Variants in SEMA3A observed in about 807,000 individuals in gnomAD.
SEMA3A encodes the protein semaphorin 3A.
A neutral mutation model predicts 97.9 loss-of-function variants in SEMA3A; 29 were observed. That is an observed-to-expected ratio of 0.30 (90% CI 0.22 to 0.40). The LOEUF (loss-of-function observed/expected upper bound fraction) is 0.40. Among genes scored for constraint, SEMA3A ranks in the 10% least tolerant of loss-of-function variants. The probability of loss-of-function intolerance (pLI) is 1.00; values close to 1 mark genes in which losing one functional copy is unlikely to be tolerated. For synonymous variants in SEMA3A, 321 were observed against 323.7 expected (o/e 0.99, Z 0.09); for missense variants, 763 against 951.3 (o/e 0.80, Z 2.60).
chr7:84,486,568 C>T (rs1222954776), intron 1 of SEMA3A, among the ~76,000 whole-genome samples: 1 of 152,074 alleles, frequency 6.6e-6, no homozygotes, highest in African/African-American at 2.4e-5. Context: ...CCTTATAGTA[C>T]TTTACAAATA....
At chr7:84,001,331 G>A (rs539542883) in intron 12 of SEMA3A, among the ~76,000 whole-genome samples, 6 of 138,584 alleles carry the variant, frequency 4.3e-5, no homozygotes, top group South Asian at 2.3e-4. Flanking sequence ...CCTCTCACCC[G>A]TACCCCCATT....
chr7:84,052,238 G>A (rs1204957087), intron 5 of SEMA3A, among the ~76,000 whole-genome samples: 5 of 151,928 alleles, frequency 3.3e-5, no homozygotes, highest in Admixed American at 3.3e-4. Context: ...AATGAGTTAG[G>A]GAGGATTCCC....
intron 1 of SEMA3A, among the ~76,000 whole-genome samples, chr7:84,396,377 G>A (rs932302366): frequency 1.1e-4 from 16 of 151,636 alleles, no homozygotes; most frequent in African/African-American, 2.9e-4. Flanking sequence ...AACTATAGTC[G>A]TATAGTAATG....
chr7:84,333,302 A>G (rs191076534), intron 2 of SEMA3A, among the ~76,000 whole-genome samples: 1 of 152,246 alleles, frequency 6.6e-6, no homozygotes, highest in Non-Finnish European at 1.5e-5. Context: ...ATGCAACACA[A>G]GGAAGAAAGT....
At chr7:84,020,267 A>G (rs941049770) in intron 6 of SEMA3A, among the ~76,000 whole-genome samples, 2 of 149,188 alleles carry the variant, frequency 1.3e-5, no homozygotes, top group African/African-American at 4.9e-5. Context: ...CTGGTCTTGA[A>G]CTCCTGACCT....
rs1487916010 is a variant in SEMA3A at position 84,296,793 on chromosome 7, A to G, written c.-83+10414T>C. 3.9e-5 allele frequency among the ~76,000 whole-genome samples: 6 copies of G among 152,144 alleles called. No individual in the cohort carries two copies. In the South Asian group the frequency reaches 1.0e-3, roughly 26 times the overall value. On this transcript the variant is annotated intron_variant, in intron 3 of 3. Coordinates refer to the SEMA3A transcript ENST00000424555. Reference sequence around the variant, plus strand: ...AATTCTACAAGATGTTAAGGGAACAATCTTTTAAAATGTCATTATTATTTT... The same window carrying G: ...AATTCTACAAGATGTTAAGGGAACAGTCTTTTAAAATGTCATTATTATTTT...
chr7:84,385,615 A>T (rs773546860), intron 1 of SEMA3A, among the ~76,000 whole-genome samples: 1 of 152,164 alleles, frequency 6.6e-6, no homozygotes, highest in Non-Finnish European at 1.5e-5. Flanking sequence ...TTCTCTCAAT[A>T]TAACAGGGTT....
intron 3 of SEMA3A, among the ~76,000 whole-genome samples, chr7:84,219,768 T>TTGCAGCTTCTCCACAGCACTTGC (rs1798833821): frequency 6.6e-6 from 1 of 152,204 alleles, no homozygotes; most frequent in Admixed American, 6.5e-5. Context: ...GGATGACTTG[T>TTGCAGCTTCTCCACAGCACTTGC]TGCAGCTTCT....
intron 4 of SEMA3A, among the ~76,000 whole-genome samples, chr7:84,066,955 C>T (rs1390886920): frequency 6.6e-6 from 1 of 152,106 alleles, no homozygotes; most frequent in Non-Finnish European, 1.5e-5. Context: ...AAAGAGCCTG[C>T]ATCGCCAAGT....
At chr7:84,186,615 TTTGGATTACAC>T (rs67410641) in intron 1 of SEMA3A, among the ~76,000 whole-genome samples, 9,526 of 152,052 alleles carry the variant, frequency 0.063, 338 homozygotes, top group African/African-American at 0.091. Context: ...TTTCTAAGAG[TTTGGATTACAC>T]TTGGATTACA....
intron 3 of SEMA3A, among the ~76,000 whole-genome samples, chr7:84,231,014 C>T (rs758621153): frequency 9.2e-5 from 14 of 151,894 alleles, no homozygotes; most frequent in African/African-American, 1.2e-4. Context: ...TGGGCTGTAA[C>T]GCTATACTAC....
At chr7:84,166,966 T>C (rs1005844561) in intron 1 of SEMA3A, among the ~76,000 whole-genome samples, 2 of 85,260 alleles carry the variant, frequency 2.3e-5, no homozygotes, top group East Asian at 7.6e-4. Context: ...TATAAATTTG[T>C]GCCTATTTTG....
intron 4 of SEMA3A, among the ~76,000 whole-genome samples, chr7:84,084,103 T>C (rs1030914551): frequency 6.6e-6 from 1 of 152,122 alleles, no homozygotes; most frequent in Non-Finnish European, 1.5e-5. Context: ...ATCATTTCAA[T>C]GCAATTTCAG....
intron 6 of SEMA3A, among the ~76,000 whole-genome samples, chr7:84,040,819 A>T (rs1792109645): frequency 1.3e-5 from 2 of 152,254 alleles, no homozygotes; most frequent in South Asian, 4.1e-4. Context: ...AAAATGTAAA[A>T]AACAAGAGGA....
intron 3 of SEMA3A, among the ~76,000 whole-genome samples, chr7:84,115,750 T>C (rs1795405465): frequency 6.6e-6 from 1 of 152,148 alleles, no homozygotes; most frequent in Non-Finnish European, 1.5e-5. Flanking sequence ...TCTACATAAA[T>C]ATGTTTCCTA....
At chr7:84,293,865 C>A (rs1178919439) in intron 3 of SEMA3A, among the ~76,000 whole-genome samples, 4 of 152,054 alleles carry the variant, frequency 2.6e-5, no homozygotes, top group Non-Finnish European at 5.9e-5. Context: ...TACCCTTCTT[C>A]ACATAGATGA....
intron 3 of SEMA3A, among the ~76,000 whole-genome samples, chr7:84,307,023 C>T (rs501229): frequency 0.7 from 106,403 of 151,408 alleles, 37,557 homozygotes; most frequent in East Asian, 0.79. Context: ...ATTTTTATTT[C>T]AAATGTTGGA....
chr7:84,260,737 T>A (rs527867969), intron 3 of SEMA3A, among the ~76,000 whole-genome samples: 21 of 152,148 alleles, frequency 1.4e-4, no homozygotes, highest in African/African-American at 4.8e-4. Context: ...AGGGGGGGAC[T>A]GAGGGAGGAT....
chr7:84,457,800 C>T (rs995392434), intron 1 of SEMA3A, among the ~76,000 whole-genome samples: 1 of 151,924 alleles, frequency 6.6e-6, no homozygotes, highest in African/African-American at 2.4e-5. Context: ...ATTGGTCAAC[C>T]AATCTTTAGA....
Sources: gnomAD v4.1 joint callset for allele counts (sites outside exome capture counted in the v4.1 genomes callset) on GRCh38, gnomAD v4.1.1 for gene constraint, MANE v1.5 for transcripts, NCBI Gene and HGNC (gene_info 2026-07-23, HGNC 2026-07-21) for gene names.